Variants in CWC27 observed in about 807,000 individuals in gnomAD.
CWC27 encodes spliceosome-associated protein CWC27 homolog.
In CWC27, 47 loss-of-function variants were observed where a neutral mutation model predicts 63.6. The ratio of observed to expected loss-of-function variants is 0.74; its 90% CI spans 0.58 to 0.94. The LOEUF is 0.94. Among genes scored for constraint, CWC27 ranks in the 40% least tolerant of loss-of-function variants. The pLI, the probability that CWC27 is intolerant of heterozygous loss-of-function variation, is 0.00. For missense variants in CWC27, 495 were observed against 554.3 expected, an observed-to-expected ratio of 0.89 and a Z score of 1.07; for synonymous variants, 175 against 179.8, an observed-to-expected ratio of 0.97 and a Z score of 0.22.
Position 64,971,657 on chromosome 5 carries a change from A to G in CWC27, c.1043-46A>G, listed in dbSNP as rs754997278. 4.3e-6 allele frequency: 6 copies of G among 1,399,404 alleles called. No homozygotes were observed. The South Asian group carries it at 7.3e-5, about 17-fold the overall frequency. The allele number at this position is 1,399,404 out of a possible 1,614,324, so 86.7% of individuals were successfully genotyped here. A position where few individuals can be genotyped will look rare whatever the true frequency, so the allele number is the denominator to read the frequency against. On this transcript the variant is annotated intron_variant, in intron 11 of 13. Transcript: ENST00000381070. The stretch of plus-strand genomic sequence containing the variant: ...AGCATAAACATTGCTATGAATCCAC[A>G]GAGCTATTTTACTGCTTATTCTAAA...
intron 11 of CWC27, among the ~76,000 whole-genome samples, chr5:64,937,633 A>G (rs1289082520): frequency 1.3e-5 from 2 of 152,172 alleles, no homozygotes; most frequent in African/African-American, 4.8e-5. Flanking sequence ...GCTGAGTTCA[A>G]ATCCTGAATA....
intron 10 of CWC27, among the ~76,000 whole-genome samples, chr5:64,841,347 G>A: frequency 6.6e-6 from 1 of 152,098 alleles, no homozygotes; most frequent in Non-Finnish European, 1.5e-5. Context: ...TACTCATGAG[G>A]GCAGATTGCT....
Position 64,861,694 on chromosome 5 carries a change from A to G in CWC27, c.939-23749A>G, listed in dbSNP as rs115978961. Among the ~76,000 whole-genome samples the G allele has an allele frequency of 2.5e-3, 378 of 152,324 alleles. 1 individual carries two copies. Among genetic ancestry groups the G allele is most frequent in the Middle Eastern group, 6.8e-3 (2 of 294 alleles). ...AAACAATGAAGAGACTTGAGTAAGT[A>G]CTGTTTCTAATGGATATCCTAGAAC... On this transcript the variant is annotated intron_variant, in intron 10 of 13. Transcript: ENST00000381070.
chr5:64,874,904 G>A (rs913281194), intron 10 of CWC27, among the ~76,000 whole-genome samples: 1 of 151,794 alleles, frequency 6.6e-6, no homozygotes, highest in African/African-American at 2.4e-5. Flanking sequence ...TGTTTTTCAT[G>A]TTGAATTAAT....
At chr5:64,907,260 T>C (rs1235480902) in intron 11 of CWC27, among the ~76,000 whole-genome samples, 2 of 152,230 alleles carry the variant, frequency 1.3e-5, no homozygotes, top group African/African-American at 2.4e-5. Context: ...CCTTGGGCAG[T>C]ATGGCCATTT....
intron 3 of CWC27, 121 bp from the exon 4 acceptor site, chr5:64,783,715 A>G: frequency 3.7e-6 from 3 of 815,698 alleles, no homozygotes; most frequent in Admixed American, 3.0e-5. Flanking sequence ...TTGAAAATCA[A>G]TTAAGTAAAA....
At chr5:65,007,016 A>AAG (rs1049480821) in intron 13 of CWC27, among the ~76,000 whole-genome samples, 2 of 151,498 alleles carry the variant, frequency 1.3e-5, no homozygotes, top group African/African-American at 4.9e-5. Context: ...GAAAGAAAGA[A>AAG]AGAAAGAAAA....
At chr5:64,994,313 C>T (rs558334196) in intron 13 of CWC27, among the ~76,000 whole-genome samples, 4 of 151,974 alleles carry the variant, frequency 2.6e-5, no homozygotes, top group Non-Finnish European at 5.9e-5. Flanking sequence ...TGTAACATCT[C>T]TTTTGATGGT....
At position 64,867,332 on chromosome 5, in the gene CWC27, G is replaced by C. The variant is rs553390643; in HGVS notation, c.939-18111G>C. Among the ~76,000 whole-genome samples, 4 of 151,970 alleles carry C rather than the reference G, an allele frequency of 2.6e-5. No individual in the cohort carries two copies. In the South Asian group the frequency reaches 8.3e-4, roughly 32 times the overall value. On this transcript the variant is annotated intron_variant, in intron 10 of 13. Transcript: ENST00000381070. ...CTTTTGGTATTATTATATTATTGTT[G>C]GTTTTACTGTATATTGATATATTGT... is the stretch of plus-strand genomic sequence containing the variant.
intron 10 of CWC27, among the ~76,000 whole-genome samples, chr5:64,857,875 C>A (rs923788882): frequency 6.7e-6 from 1 of 148,748 alleles, no homozygotes; most frequent in Non-Finnish European, 1.5e-5. Flanking sequence ...CGGTGGCTCA[C>A]GCTTGTAATC....
intron 11 of CWC27, among the ~76,000 whole-genome samples, chr5:64,889,867 G>T (rs950129261): frequency 6.6e-6 from 1 of 152,184 alleles, no homozygotes; most frequent in Admixed American, 6.5e-5. Context: ...AGGTTGTTGT[G>T]GGGGGTGGGA....
chr5:64,918,242 A>G (rs1407300983), intron 11 of CWC27, among the ~76,000 whole-genome samples: 1 of 152,196 alleles, frequency 6.6e-6, no homozygotes, highest in Non-Finnish European at 1.5e-5. Flanking sequence ...GGAGTTCTTC[A>G]GAGAGTAGAA....
rs182262667 is a variant in CWC27, at chr5:64,844,450, G to A, written c.938+40064G>A. 1.4e-3 allele frequency among the ~76,000 whole-genome samples: 220 copies of A among 152,266 alleles called. 2 individuals carry two copies. The highest frequency in any genetic ancestry group is 2.4e-3 in the Non-Finnish European group (161 of 68,018). ...TCATCCTAGCTTGAGTCCTTAGGCT[G>A]CTAGTTTCCCACCCAGCCTCAGAGC... is the stretch of plus-strand genomic sequence containing the variant. On this transcript the variant is annotated intron_variant, in intron 10 of 13. Coordinates refer to ENST00000381070, the MANE Select transcript of CWC27 (RefSeq NM_005869.4).
At chr5:64,875,112 TTTTG>T (rs1746765806) in intron 10 of CWC27, among the ~76,000 whole-genome samples, 1 of 152,116 alleles carries the variant, frequency 6.6e-6, no homozygotes, top group Non-Finnish European at 1.5e-5. Flanking sequence ...CACTTTATGA[TTTTG>T]TTTAAGATAC....
chr5:64,863,777 C>T (rs1325261178), intron 10 of CWC27, among the ~76,000 whole-genome samples: 2 of 152,178 alleles, frequency 1.3e-5, no homozygotes, highest in African/African-American at 4.8e-5. Flanking sequence ...GCATGAGACA[C>T]TGCATTCAGC....
intron 3 of CWC27, among the ~76,000 whole-genome samples, chr5:64,782,697 T>G (rs767961497): frequency 6.6e-6 from 1 of 152,148 alleles, no homozygotes; most frequent in African/African-American, 2.4e-5. Flanking sequence ...ATGGGAGTTT[T>G]TGAAAAATTC....
chr5:64,800,442 C>CA, intron 8 of CWC27, 115 bp downstream of exon 8: 3 of 593,682 alleles, frequency 5.1e-6, no homozygotes, highest in Middle Eastern at 3.6e-4. Context: ...TTAAGCCAGC[C>CA]AAAAAAATAA....
At chr5:64,913,735 T>C (rs535615513) in intron 11 of CWC27, among the ~76,000 whole-genome samples, 1 of 152,186 alleles carries the variant, frequency 6.6e-6, no homozygotes, top group South Asian at 2.1e-4. Flanking sequence ...ATCATGTTTA[T>C]GGATTGGGTA....
chr5:64,961,473 G>A lies in CWC27; in HGVS notation c.1043-10230G>A, dbSNP rs576333397. 1.6e-4 allele frequency among the ~76,000 whole-genome samples: 24 copies of A among 151,258 alleles called. No homozygotes were observed. In the East Asian group the frequency reaches 4.1e-3, roughly 26 times the overall value. Reference sequence around the variant, plus strand: ...TATATTTTTTTAATTTTATTTTAACGCCATAGCATAGGTAATCTTTAAGTC... The same window carrying A: ...TATATTTTTTTAATTTTATTTTAACACCATAGCATAGGTAATCTTTAAGTC... On this transcript the variant is annotated intron_variant, in intron 11 of 13. Transcript: ENST00000381070.
Sources: allele counts gnomAD v4.1 joint callset (sites outside exome capture counted in the v4.1 genomes callset), GRCh38; gene constraint gnomAD v4.1.1; transcripts MANE v1.5; gene names NCBI Gene and HGNC (gene_info 2026-07-23, HGNC 2026-07-21).